STRC: variants seen among roughly 807,000 people sequenced by gnomAD.
STRC encodes the protein stereocilin.
A neutral mutation model predicts 103.5 loss-of-function variants in STRC; 43 were observed. The observed-to-expected ratio is 0.42, with a 90% CI of 0.33 to 0.54. The LOEUF is 0.54. Ranked by LOEUF, STRC falls within the 20% of genes least tolerant of loss-of-function variation. The pLI is 0.14. For synonymous variants in STRC, 186 were observed against 442.3 expected (o/e 0.42, Z 7.27); for missense variants, 499 against 1,088.5 (o/e 0.46, Z 7.62).
In STRC at chr15:43,600,886, G is replaced by A; in HGVS notation, c.4830C>T (p.Ser1610=). 1.2e-6 allele frequency: 2 copies of A among 1,613,098 alleles called. No individual in the cohort carries two copies. The highest frequency in any genetic ancestry group is 1.7e-6 in the Non-Finnish European group (2 of 1,179,754). Residue 1610 remains serine (S), a synonymous_variant, in exon 25 of 29, where the codon AGC becomes AGT. Coordinates refer to ENST00000450892, the MANE Select transcript of STRC (RefSeq NM_153700.2). ...GLRPEELQHI[S]SWEFSQAALF... is the part of the protein sequence containing the mutation. ...TCACAAATGACCTGAACTCCCAACT[G>A]CTGATGTGCTGGAGCTCCTCTGGCC...
At chr15:43,605,167 C>G in intron 19 of STRC, 97 bp downstream of exon 19, 1 of 1,557,626 alleles carries the variant, frequency 6.4e-7, no homozygotes, top group Admixed American at 1.9e-5. Flanking sequence ...AGCAAGAAAG[C>G]AAGAAGTAGA....
At chr15:43,604,481 G>A (rs1038209923) in intron 20 of STRC, 30 bp from the exon 21 acceptor site, 2 of 1,556,068 alleles carry the variant, frequency 1.3e-6, no homozygotes, top group African/African-American at 1.4e-5. Context: ...CGGGGGCTGG[G>A]GAGCTGAGGG....
chr15:43,604,191 C>A, intron 21 of STRC, 39 bp from the exon 22 acceptor site: 1 of 1,607,102 alleles, frequency 6.2e-7, no homozygotes. Context: ...GAGATCTGGA[C>A]AGATCAGGAC....
Position 43,609,293 on chromosome 15 carries a change from A to C in STRC, c.3540T>G (p.Leu1180=), listed in dbSNP as rs199524735. The C allele has an allele frequency of 1.0e-3, 1,623 of 1,608,722 alleles. 66 individuals carry two copies. Among genetic ancestry groups the C allele is most frequent in the African/African-American group, 6.0e-3 (434 of 72,514 alleles). ...LWKKMQVPTN[L]TLRNLQALGT... is the part of the protein sequence containing the mutation. ...TTACTCACTGCAGATTCCTGAGGGTAAGGTTGGTGGGTACTTGCATCTTCT... is the reference window on the plus strand; with the variant it reads ...TTACTCACTGCAGATTCCTGAGGGTCAGGTTGGTGGGTACTTGCATCTTCT... Residue 1180 remains leucine (L), a synonymous_variant, in exon 16 of 29, where the codon CTT becomes CTG. Transcript: ENST00000450892.
intron 25 of STRC, 58 bp from the exon 26 acceptor site, chr15:43,600,740 T>G (rs1595956887): frequency 6.2e-7 from 1 of 1,612,500 alleles, no homozygotes; most frequent in Non-Finnish European, 8.5e-7. Flanking sequence ...GGGGCTGTGG[T>G]CATGAGACAA....
chr15:43,604,757 G>T lies in STRC; in HGVS notation c.4020C>A (p.Ile1340=), dbSNP rs532956730. Residue 1340 remains isoleucine (I), a synonymous_variant, in exon 20 of 29, where the codon ATC becomes ATA. Transcript: ENST00000450892. ...GFLGTESTRQ[I]PLQILLSHLS... ...GATGGGACAGCAGGATCTGTAGGGG[G>T]ATCTGTCGTGTGCTCTCTGTCCCCA... 5.9e-5 allele frequency: 96 copies of T among 1,613,586 alleles called. 1 individual carries two copies. The Middle Eastern group carries it at 3.1e-3, about 53-fold the overall frequency.
intron 19 of STRC, 51 bp downstream of exon 19, chr15:43,605,213 G>T (rs767440124): frequency 6.1e-5 from 96 of 1,574,540 alleles, no homozygotes; most frequent in Admixed American, 1.1e-4. Context: ...TGTCTGAGGA[G>T]CAAGAATTGC....
rs761119718 is a variant in STRC at position 43,605,337 on chromosome 15, CT to C, written c.3856del (p.Arg1286GlufsTer9). On this transcript the variant is annotated frameshift_variant, in exon 19 of 29. Transcript: ENST00000450892. LOFTEE classifies it high-confidence loss of function. Reference sequence around the variant, plus strand: ...CAGTGCCAGCAGCTGCTCTGGAGCTCTTTGCACCAGCTCCACCACCAACATA... The same window carrying C: ...CAGTGCCAGCAGCTGCTCTGGAGCTCTTGCACCAGCTCCACCACCAACATA... The part of the protein sequence containing the change: ...SIMLVVELVQ[R>X]APEQLLALTP... 1 of 1,591,360 alleles carries C rather than the reference CT, an allele frequency of 6.3e-7. No homozygotes were observed. Among genetic ancestry groups the C allele is most frequent in the Non-Finnish European group, 8.6e-7 (1 of 1,167,384 alleles).
At position 43,601,608 on chromosome 15, in the gene STRC, G is replaced by C. The variant is rs1242145943; in HGVS notation, c.4546-57C>G. ...AAAGCAGTGGATTGGGAGTCATACT[G>C]CTGGGTTTTAAGTCTTGCCTCTGCC... is the stretch of plus-strand genomic sequence containing the variant. On this transcript the variant is annotated intron_variant, in intron 23 of 28. Transcript: ENST00000450892. 5.0e-6 allele frequency: 8 copies of C among 1,590,648 alleles called. 1 individual carries two copies. In the African/African-American group the frequency reaches 5.4e-5, roughly 11 times the overall value.
At chr15:43,602,900 C>T (rs2085682205) in intron 23 of STRC, among the ~76,000 whole-genome samples, 1 of 151,630 alleles carries the variant, frequency 6.6e-6, no homozygotes, top group African/African-American at 2.4e-5. Context: ...CCGCCTTGGC[C>T]TCCCAAAGTT....
rs561302414 is a variant in STRC at position 43,609,354 on chromosome 15, G to A, written c.3499-20C>T. The A allele has an allele frequency of 2.4e-5, 39 of 1,602,922 alleles. No individual in the cohort carries two copies. The Middle Eastern group carries it at 5.0e-4, about 20-fold the overall frequency. On this transcript the variant is annotated intron_variant, in intron 15 of 28. Coordinates refer to ENST00000450892, the MANE Select transcript of STRC (RefSeq NM_153700.2). ...CTGTGCCTACAAGAGAAAGAAAGACGAGCCCCTTCCCAGAAGAGACACTGT... is the reference window on the plus strand; with the variant it reads ...CTGTGCCTACAAGAGAAAGAAAGACAAGCCCCTTCCCAGAAGAGACACTGT...
intron 22 of STRC, chr15:43,603,703 T>C: frequency 3.1e-6 from 2 of 650,252 alleles, no homozygotes; most frequent in Non-Finnish European, 5.1e-6. Flanking sequence ...CCTTCAAAGC[T>C]TCTAGGGATC....
chr15:43,607,863 G>A lies in STRC; in HGVS notation c.3794C>T (p.Pro1265Leu), dbSNP rs371994634. 171 of 1,576,944 alleles carry A rather than the reference G, an allele frequency of 1.1e-4. 6 individuals are homozygous for A. Among genetic ancestry groups the A allele is most frequent in the Admixed American group, 1.5e-4 (9 of 58,632 alleles). ...CAATATCTCTAGCTGCAGTACTTAC[G>A]GTAAGTCCAGGAGTAGCTTGCTATC... ...GLDSKLLLDL[P>L]IQLMDRLSNE... The change falls in exon 18 of 29, where the codon CCG (proline) becomes CTG (leucine). Residue 1265 changes from proline (P) to leucine (L), a missense_variant and splice_region_variant. Transcript: ENST00000450892.
intron 26 of STRC, 51 bp downstream of exon 26, chr15:43,600,483 C>G: frequency 6.2e-7 from 1 of 1,604,198 alleles, no homozygotes; most frequent in Non-Finnish European, 8.5e-7. Flanking sequence ...CCAGTCCACC[C>G]ATGGTATAGA....
intron 23 of STRC, 95 bp downstream of exon 23, chr15:43,603,147 C>T: frequency 1.5e-6 from 2 of 1,371,380 alleles, no homozygotes. Flanking sequence ...TCTTGCTTCC[C>T]CCACCTCTCA....
intron 22 of STRC, 137 bp from the exon 23 acceptor site, chr15:43,603,548 A>T: frequency 2.1e-6 from 2 of 966,220 alleles, no homozygotes; most frequent in South Asian, 1.3e-5. Flanking sequence ...AGTATTACAG[A>T]GTAATATGTA....
Position 43,603,417 on chromosome 15 carries a change from G to A in STRC, c.4376-6C>T. 6.2e-7 allele frequency: 1 copy of A among 1,612,962 alleles called. No individual in the cohort carries two copies. Among genetic ancestry groups the A allele is most frequent in the Non-Finnish European group, 8.5e-7 (1 of 1,179,768 alleles). ...TGCACAATTTGGCACAGGTTCTGAA[G>A]GGGGAAGGCAGGGCCAGGAGGTCAG... On this transcript the variant is annotated splice_polypyrimidine_tract_variant and splice_region_variant and intron_variant, in intron 22 of 28. Coordinates refer to ENST00000450892, the MANE Select transcript of STRC (RefSeq NM_153700.2).
intron 23 of STRC, chr15:43,601,756 A>C: frequency 1.7e-6 from 1 of 586,286 alleles, no homozygotes; most frequent in Non-Finnish European, 3.0e-6. Context: ...AGTGGAAAAG[A>C]AGAGCAAACT....
intron 19 of STRC, 183 bp downstream of exon 19, chr15:43,605,081 C>T (rs1301206795): frequency 4.1e-5 from 45 of 1,108,000 alleles, no homozygotes; most frequent in Admixed American, 1.5e-4. Context: ...GGACAAGTAA[C>T]GTGAAGCATA....
Sources: allele counts gnomAD v4.1 joint callset (sites outside exome capture counted in the v4.1 genomes callset), GRCh38; gene constraint gnomAD v4.1.1; transcripts MANE v1.5; gene names NCBI Gene and HGNC (gene_info 2026-07-23, HGNC 2026-07-21).